NRXN3: variants seen among roughly 807,000 people sequenced by gnomAD.
NRXN3 encodes the protein neurexin 3.
NRXN3 carries 32 observed loss-of-function variants against 137.6 expected under a neutral mutation model. That is an observed-to-expected ratio of 0.23 (90% confidence interval 0.18 to 0.31). The LOEUF is 0.31. NRXN3 is among the 10% of genes least tolerant of loss of function. The pLI, the probability that NRXN3 is intolerant of heterozygous loss-of-function variation, is 1.00. For missense variants in NRXN3, 1,574 were observed against 2,062.5 expected (o/e 0.76, Z 4.59); for synonymous variants, 798 against 784.5 (o/e 1.02, Z -0.29).
At chr14:78,793,010 T>C (rs1455864839) in intron 8 of NRXN3, among the ~76,000 whole-genome samples, 1 of 152,196 alleles carries the variant, frequency 6.6e-6, no homozygotes, top group Non-Finnish European at 1.5e-5. Context: ...AAGAGTGTAA[T>C]TGGATTGTTT....
chr14:79,653,357 T>TAAC (rs1272175471), intron 16 of NRXN3, among the ~76,000 whole-genome samples: 7 of 152,204 alleles, frequency 4.6e-5, no homozygotes, highest in African/African-American at 1.7e-4. Context: ...ACTCAAATCC[T>TAAC]AACATCAGAG....
chr14:79,735,596 A>G (rs2098939170), intron 19 of NRXN3, among the ~76,000 whole-genome samples: 1 of 152,204 alleles, frequency 6.6e-6, no homozygotes, highest in Non-Finnish European at 1.5e-5. Context: ...AAAAACAATT[A>G]AACTTCAAAC....
intron 15 of NRXN3, among the ~76,000 whole-genome samples, chr14:79,448,325 C>T (rs1315006690): frequency 2.6e-5 from 4 of 152,168 alleles, no homozygotes; most frequent in Non-Finnish European, 5.9e-5. Flanking sequence ...AACAGCCCTC[C>T]CCCATCATGA....
chr14:79,713,190 T>TTTTTTTTTA (rs1567979801), intron 19 of NRXN3, among the ~76,000 whole-genome samples: 3 of 108,596 alleles, frequency 2.8e-5, no homozygotes, highest in African/African-American at 3.8e-5. Flanking sequence ...TTTTTTTTTT[T>TTTTTTTTTA]ACCCTCTCTC....
chr14:78,173,952 G>T (rs2059016900), intron 1 of NRXN3, among the ~76,000 whole-genome samples: 1 of 151,654 alleles, frequency 6.6e-6, no homozygotes, highest in Non-Finnish European at 1.5e-5. Flanking sequence ...CTTTGCATGG[G>T]GACTGCGGTC....
At chr14:78,631,254 G>A (rs918410732) in intron 4 of NRXN3, among the ~76,000 whole-genome samples, 6 of 152,062 alleles carry the variant, frequency 3.9e-5, no homozygotes, top group Non-Finnish European at 8.8e-5. Flanking sequence ...ATGAGCCACC[G>A]GTCCTCATTT....
chr14:78,853,764 C>A (rs74067148), intron 10 of NRXN3, among the ~76,000 whole-genome samples: 3,330 of 152,166 alleles, frequency 0.022, 116 homozygotes, highest in African/African-American at 0.076. Flanking sequence ...ACATCTATTT[C>A]TTTGCTTTCT....
At chr14:78,807,811 A>G (rs2098885914) in intron 9 of NRXN3, among the ~76,000 whole-genome samples, 1 of 151,792 alleles carries the variant, frequency 6.6e-6, no homozygotes, top group Non-Finnish European at 1.5e-5. Flanking sequence ...CATTTACCAT[A>G]ATTTAAAACA....
At chr14:79,486,631 T>C (rs958045156) in intron 16 of NRXN3, among the ~76,000 whole-genome samples, 1 of 152,190 alleles carries the variant, frequency 6.6e-6, no homozygotes, top group Non-Finnish European at 1.5e-5. Flanking sequence ...TATGAAGATA[T>C]GGAGGTGCAG....
intron 10 of NRXN3, among the ~76,000 whole-genome samples, chr14:78,898,103 T>C (rs947536237): frequency 6.6e-6 from 1 of 151,954 alleles, no homozygotes; most frequent in African/African-American, 2.4e-5. Flanking sequence ...TCTCCCTTCC[T>C]TCTTTTTTAA....
intron 1 of NRXN3, among the ~76,000 whole-genome samples, chr14:78,173,279 T>G (rs1043297823): frequency 1.3e-5 from 2 of 151,824 alleles, no homozygotes; most frequent in Non-Finnish European, 2.9e-5. Context: ...AACACATTAT[T>G]CTTCAATTGG....
At chr14:78,872,720 C>T (rs2099104486) in intron 10 of NRXN3, among the ~76,000 whole-genome samples, 1 of 152,102 alleles carries the variant, frequency 6.6e-6, no homozygotes, top group Admixed American at 6.6e-5. Context: ...GATCTTTTCT[C>T]TCAAGTCATT....
chr14:79,148,822 C>G (rs1302253829), intron 15 of NRXN3, among the ~76,000 whole-genome samples: 1 of 152,130 alleles, frequency 6.6e-6, no homozygotes, highest in Non-Finnish European at 1.5e-5. Context: ...GCATTCTTCT[C>G]CTTTTCTCCA....
intron 15 of NRXN3, among the ~76,000 whole-genome samples, chr14:79,045,471 T>C (rs1441808085): frequency 1.3e-5 from 2 of 152,124 alleles, no homozygotes; most frequent in Non-Finnish European, 2.9e-5. Flanking sequence ...TAGCAAAGGC[T>C]GCTGCAGAGA....
Position 78,421,805 on chromosome 14 carries a change from C to T in NRXN3, c.757+123945C>T, listed in dbSNP as rs553615246. On this transcript the variant is annotated intron_variant, in intron 4 of 20. Transcript: ENST00000335750. ...TACCAATGTGCTAGGATTACAGGCA[C>T]GAGCCACCACGCCTGGCCTGATTTT... Among the ~76,000 whole-genome samples, 8 of 152,212 alleles carry T rather than the reference C, an allele frequency of 5.3e-5. No homozygotes were observed. In the South Asian group the frequency reaches 1.0e-3, roughly 20 times the overall value.
rs538699601 is a variant in NRXN3 at position 78,633,235 on chromosome 14, C to T, written c.758-11885C>T. Among the ~76,000 whole-genome samples the T allele has an allele frequency of 7.8e-5, 8 of 102,756 alleles. No individual in the cohort carries two copies. The East Asian group carries it at 2.4e-3, about 31-fold the overall frequency. 67.4% of individuals were successfully genotyped at this position (102,756 alleles called of 152,430 possible). On this transcript the variant is annotated intron_variant, in intron 4 of 20. Coordinates refer to ENST00000335750, the MANE Select transcript of NRXN3 (RefSeq NM_001330195.2). ...GCGCCACTGCACTCAGCCTGGGCTA[C>T]AGAGCGAGACTCTGTCAAAAAAAAA...
intron 8 of NRXN3, among the ~76,000 whole-genome samples, chr14:78,739,267 A>G (rs1277255920): frequency 2.0e-5 from 3 of 152,232 alleles, no homozygotes; most frequent in African/African-American, 4.8e-5. Flanking sequence ...CAGCCCAACA[A>G]TGCCGCTATG....
chr14:79,314,203 T>TGC (rs2087787736), intron 15 of NRXN3: 1 of 140,102 alleles, frequency 7.1e-6, no homozygotes, highest in Non-Finnish European at 1.5e-5. Context: ...GGCCAGTGTG[T>TGC]GCGCGCACCG....
At chr14:79,008,152 A>C (rs1407037565) in intron 15 of NRXN3, among the ~76,000 whole-genome samples, 1 of 152,216 alleles carries the variant, frequency 6.6e-6, no homozygotes, top group African/African-American at 2.4e-5. Flanking sequence ...CCATTTGAGA[A>C]ATTAGAAAAC....
Sources: gnomAD v4.1 joint callset for allele counts (sites outside exome capture counted in the v4.1 genomes callset) on GRCh38, gnomAD v4.1.1 for gene constraint, MANE v1.5 for transcripts, NCBI Gene and HGNC (gene_info 2026-07-23, HGNC 2026-07-21) for gene names.